Variants in RUNX1 observed in about 807,000 individuals in gnomAD.
RUNX1 encodes the protein RUNX family transcription factor 1.
In RUNX1, 19 loss-of-function variants were observed where a neutral mutation model predicts 42.8. That is an observed-to-expected ratio of 0.44 (90% CI 0.31 to 0.65). RUNX1 has a LOEUF of 0.65. Ranked by LOEUF, RUNX1 falls within the 30% of genes least tolerant of loss-of-function variation. RUNX1 has a pLI of 0.07. For synonymous variants in RUNX1, 271 were observed against 289.4 expected (o/e 0.94, Z 0.64); for missense variants, 528 against 672.0 (o/e 0.79, Z 2.37).
intron 4 of RUNX1, among the ~76,000 whole-genome samples, chr21:34,885,167 C>T (rs2057962028): frequency 6.6e-6 from 1 of 152,084 alleles, no homozygotes; most frequent in Non-Finnish European, 1.5e-5. Flanking sequence ...CTGATTTCCC[C>T]CCCAAAAGGA....
At chr21:35,038,625 G>C (rs772935327) in intron 2 of RUNX1, 6 of 451,546 alleles carry the variant, frequency 1.3e-5, no homozygotes, top group East Asian at 1.4e-4. Flanking sequence ...GTGTGTGTGT[G>C]TGTGTGTGTG....
chr21:35,010,736 T>C (rs2059120754), intron 2 of RUNX1, among the ~76,000 whole-genome samples: 1 of 152,198 alleles, frequency 6.6e-6, no homozygotes, highest in South Asian at 2.1e-4. Flanking sequence ...AGCACTCATG[T>C]AATTTTACAT....
chr21:34,924,367 T>C (rs929918554), intron 2 of RUNX1, among the ~76,000 whole-genome samples: 8 of 152,100 alleles, frequency 5.3e-5, no homozygotes, highest in African/African-American at 1.9e-4. Flanking sequence ...AGCTACAAGG[T>C]GTAGAGGTGG....
intron 6 of RUNX1, 24 bp from the exon 7 acceptor site, chr21:34,834,625 AGGGGATGGGG>A: frequency 5.1e-6 from 4 of 778,086 alleles, no homozygotes; most frequent in Non-Finnish European, 6.4e-6. Flanking sequence ...CAGGGAGGGG[AGGGGATGGGG>A]GGAGGGAAGG....
intron 8 of RUNX1, among the ~76,000 whole-genome samples, chr21:34,797,677 T>TA (rs1001494734): frequency 6.6e-6 from 1 of 152,240 alleles, no homozygotes; most frequent in African/African-American, 2.4e-5. Context: ...GATGCCAAGA[T>TA]ACCTGTGCTA....
At chr21:35,020,103 T>C (rs368753334) in intron 2 of RUNX1, among the ~76,000 whole-genome samples, 12 of 152,080 alleles carry the variant, frequency 7.9e-5, no homozygotes, top group African/African-American at 2.4e-4. Flanking sequence ...ACTGTATATA[T>C]AGCAATAAAA....
At chr21:34,855,808 A>AAC (rs2057487977) in intron 6 of RUNX1, among the ~76,000 whole-genome samples, 1 of 152,250 alleles carries the variant, frequency 6.6e-6, no homozygotes, top group African/African-American at 2.4e-5. Context: ...CACTCTCAGT[A>AAC]TATCAACAAG....
intron 2 of RUNX1, among the ~76,000 whole-genome samples, chr21:34,978,266 A>C (rs2058818726): frequency 6.6e-6 from 1 of 152,172 alleles, no homozygotes; most frequent in African/African-American, 2.4e-5. Flanking sequence ...ACCAATGAGA[A>C]ATCTGTAAAA....
chr21:34,857,244 T>A (rs2057507063), intron 6 of RUNX1, among the ~76,000 whole-genome samples: 1 of 152,216 alleles, frequency 6.6e-6, no homozygotes. Flanking sequence ...CCCTTCTGTC[T>A]GCTCAGAGGG....
chr21:35,048,288 C>T (rs2059415265), intron 2 of RUNX1, among the ~76,000 whole-genome samples: 1 of 152,220 alleles, frequency 6.6e-6, no homozygotes, highest in African/African-American at 2.4e-5. Flanking sequence ...TACTCTCTGC[C>T]TTATAGAGAC....
chr21:35,038,983 T>C, intron 2 of RUNX1: 1 of 334,582 alleles, frequency 3.0e-6, no homozygotes, highest in Admixed American at 4.0e-5. Flanking sequence ...TTAACCAAGG[T>C]GGTGCTGGAT....
intron 7 of RUNX1, among the ~76,000 whole-genome samples, chr21:34,820,952 C>A (rs1444267706): frequency 6.6e-6 from 1 of 152,202 alleles, no homozygotes; most frequent in Non-Finnish European, 1.5e-5. Context: ...ATCACTGAAA[C>A]TCCCTGGGCC....
chr21:35,004,970 T>C (rs547928459), intron 2 of RUNX1, among the ~76,000 whole-genome samples: 1 of 152,320 alleles, frequency 6.6e-6, no homozygotes, highest in Admixed American at 6.5e-5. Context: ...AAAATTCTTA[T>C]TATCAGCTTC....
chr21:34,862,343 G>A (rs1392685623), intron 5 of RUNX1, among the ~76,000 whole-genome samples: 1 of 152,202 alleles, frequency 6.6e-6, no homozygotes, highest in Admixed American at 6.5e-5. Flanking sequence ...AGGTCCACGT[G>A]TGATTCTTCT....
At chr21:35,038,485 T>C (rs1325597759) in intron 2 of RUNX1, 1 of 455,564 alleles carries the variant, frequency 2.2e-6, no homozygotes, top group South Asian at 1.6e-5. Context: ...CAGTTTCTGC[T>C]ACACCTAGAG....
rs561393395 is a variant in RUNX1 at position 34,915,889 on chromosome 21, C to T, written c.59-22926G>A. Among the ~76,000 whole-genome samples, 5 of 152,244 alleles carry T rather than the reference C, an allele frequency of 3.3e-5. No homozygotes were observed. The East Asian group carries it at 9.7e-4, about 29-fold the overall frequency. On this transcript the variant is annotated intron_variant, in intron 2 of 8. Transcript: ENST00000675419. ...TGAATATCAACAGCCTCTTCACATT[C>T]CTCGTTTTTGGAAGTGAAAAGCTTT...
At chr21:34,980,401 G>A (rs543486999) in intron 2 of RUNX1, among the ~76,000 whole-genome samples, 2 of 152,306 alleles carry the variant, frequency 1.3e-5, no homozygotes, top group Admixed American at 6.5e-5. Flanking sequence ...GGGGTATTCT[G>A]CCTGTGAAGA....
chr21:34,952,563 T>G (rs2058616586), intron 2 of RUNX1, among the ~76,000 whole-genome samples: 1 of 152,150 alleles, frequency 6.6e-6, no homozygotes, highest in African/African-American at 2.4e-5. Context: ...GGAGTGAATT[T>G]ATATTTAAGT....
intron 2 of RUNX1, among the ~76,000 whole-genome samples, chr21:34,960,040 C>T (rs1344099842): frequency 2.0e-5 from 3 of 151,948 alleles, no homozygotes; most frequent in African/African-American, 4.8e-5. Flanking sequence ...AGGGGGTCAG[C>T]GAGCAGAGAC....
Sources: allele counts gnomAD v4.1 joint callset (sites outside exome capture counted in the v4.1 genomes callset), GRCh38; gene constraint gnomAD v4.1.1; transcripts MANE v1.5; gene names NCBI Gene and HGNC (gene_info 2026-07-23, HGNC 2026-07-21).